ARHGEF38: variants seen among roughly 807,000 people sequenced by gnomAD.
ARHGEF38 encodes Rho guanine nucleotide exchange factor 38.
Under a neutral mutation model 79.9 loss-of-function variants are expected in ARHGEF38, and 79 were observed. The observed-to-expected ratio is 0.99, with a 90% CI of 0.82 to 1.19. ARHGEF38 has a LOEUF of 1.19. Among genes scored for constraint, ARHGEF38 ranks in the 50% most tolerant of loss-of-function variants. The pLI is 0.00. For missense variants in ARHGEF38, 962 were observed against 907.2 expected (o/e 1.06, Z -0.78); for synonymous variants, 366 against 328.3 (o/e 1.11, Z -1.24).
chr4:105,667,027 A>G (rs2110576936), intron 11 of ARHGEF38, 102 bp from the exon 12 acceptor site: 2 of 961,800 alleles, frequency 2.1e-6, no homozygotes, highest in Non-Finnish European at 1.5e-6. Flanking sequence ...AAAATATATG[A>G]CTCCTACGTT....
intron 1 of ARHGEF38, among the ~76,000 whole-genome samples, chr4:105,553,886 G>A (rs2866798): frequency 0.88 from 134,079 of 152,146 alleles, 59,442 homozygotes; most frequent in African/African-American, 0.92. Context: ...TTTAAAAACT[G>A]TGATGAGGTC....
chr4:105,646,852 T>A (rs187966814), intron 6 of ARHGEF38, among the ~76,000 whole-genome samples: 38 of 152,092 alleles, frequency 2.5e-4, no homozygotes, highest in Non-Finnish European at 3.1e-4. Flanking sequence ...TAAAGTAAAT[T>A]TGCAAGTGGT....
At chr4:105,637,200 C>G (rs1174056045) in intron 5 of ARHGEF38, among the ~76,000 whole-genome samples, 1 of 151,994 alleles carries the variant, frequency 6.6e-6, no homozygotes, top group South Asian at 2.1e-4. Flanking sequence ...AAAGAGCTTA[C>G]AAAATATAAA....
At chr4:105,624,642 C>T (rs1270219573) in intron 3 of ARHGEF38, among the ~76,000 whole-genome samples, 3 of 152,178 alleles carry the variant, frequency 2.0e-5, no homozygotes, top group African/African-American at 4.8e-5. Flanking sequence ...CTTCTCACTT[C>T]CTCTCCTTGT....
chr4:105,575,210 T>C (rs910848601), intron 1 of ARHGEF38, among the ~76,000 whole-genome samples: 28 of 152,306 alleles, frequency 1.8e-4, no homozygotes, highest in African/African-American at 6.0e-4. Context: ...ATGGTAGATC[T>C]AGTTCTTTAA....
chr4:105,583,268 T>C (rs190349876), intron 1 of ARHGEF38, among the ~76,000 whole-genome samples: 277 of 152,352 alleles, frequency 1.8e-3, no homozygotes, highest in Non-Finnish European at 2.2e-3. Context: ...CTAAAGTTCA[T>C]TAATGTCTTT....
chr4:105,618,882 C>T (rs1728623845), intron 3 of ARHGEF38, among the ~76,000 whole-genome samples: 1 of 152,158 alleles, frequency 6.6e-6, no homozygotes, highest in Non-Finnish European at 1.5e-5. Context: ...CCTTCTCTGA[C>T]AATCGTATTT....
At chr4:105,660,728 C>T (rs529929275) in intron 10 of ARHGEF38, among the ~76,000 whole-genome samples, 1 of 152,336 alleles carries the variant, frequency 6.6e-6, no homozygotes, top group Non-Finnish European at 1.5e-5. Flanking sequence ...GCATGAGCCA[C>T]TGCGCCCAGC....
At chr4:105,626,163 C>T (rs1728937222) in intron 3 of ARHGEF38, among the ~76,000 whole-genome samples, 1 of 152,152 alleles carries the variant, frequency 6.6e-6, no homozygotes, top group Admixed American at 6.6e-5. Context: ...CAATAAGCAA[C>T]TCAAACTCAA....
chr4:105,604,634 T>C (rs1002810156), intron 2 of ARHGEF38, among the ~76,000 whole-genome samples: 3 of 152,160 alleles, frequency 2.0e-5, no homozygotes, highest in Non-Finnish European at 4.4e-5. Flanking sequence ...CTGATATCAG[T>C]AATTTCTTTC....
intron 5 of ARHGEF38, 131 bp from the exon 6 acceptor site, chr4:105,645,057 T>G (rs1186649168): frequency 5.1e-6 from 4 of 788,106 alleles, no homozygotes; most frequent in Non-Finnish European, 7.2e-6. Flanking sequence ...CTTGCTTTTA[T>G]TTAGAAATTT....
intron 1 of ARHGEF38, among the ~76,000 whole-genome samples, chr4:105,564,989 T>C (rs776518036): frequency 1.3e-5 from 2 of 152,204 alleles, no homozygotes; most frequent in East Asian, 1.9e-4. Context: ...TTTTCTGAAG[T>C]ACCCATTTAT....
chr4:105,566,752 C>CTT (rs70938197), intron 1 of ARHGEF38, among the ~76,000 whole-genome samples: 4,880 of 140,812 alleles, frequency 0.035, 270 homozygotes, highest in African/African-American at 0.11. Flanking sequence ...TGGCAGCCAT[C>CTT]TTTTTTTTTT....
chr4:105,624,916 G>A (rs1225143600), intron 3 of ARHGEF38, among the ~76,000 whole-genome samples: 2 of 152,208 alleles, frequency 1.3e-5, no homozygotes, highest in Non-Finnish European at 1.5e-5. Flanking sequence ...TCAGAGGCCT[G>A]TATTGTTGCA....
intron 10 of ARHGEF38, among the ~76,000 whole-genome samples, chr4:105,664,254 A>G (rs1378255413): frequency 6.6e-6 from 1 of 152,240 alleles, no homozygotes; most frequent in Non-Finnish European, 1.5e-5. Context: ...ATACATACAC[A>G]TAAAGATTCA....
chr4:105,636,463 C>T (rs767224160), intron 5 of ARHGEF38, 43 bp downstream of exon 5: 18 of 355,836 alleles, frequency 5.1e-5, no homozygotes, highest in African/African-American at 6.4e-5. Context: ...ATAAAAATCA[C>T]GAGAAAATGC....
At chr4:105,627,371 A>T (rs535808108) in intron 3 of ARHGEF38, among the ~76,000 whole-genome samples, 68 of 152,324 alleles carry the variant, frequency 4.5e-4, no homozygotes, top group Middle Eastern at 3.4e-3. Context: ...TTGGTGTGGC[A>T]CATGTTGGGG....
rs745628294 is a variant in ARHGEF38 at position 105,677,923 on chromosome 4, A to T, written c.2320A>T (p.Met774Leu). 6.6e-7 allele frequency: 1 copy of T among 1,521,480 alleles called. No individual in the cohort carries two copies. The highest frequency in any genetic ancestry group is 1.2e-5 in the South Asian group (1 of 82,162). The allele number at this position is 1,521,480 out of a possible 1,614,324, so 94.2% of individuals were successfully genotyped here. A position where few individuals can be genotyped will look rare whatever the true frequency, so the allele number is the denominator to read the frequency against. ...GYVPANYLGK[M>L]TYA ...CGTGCCAGCTAACTACCTTGGAAAG[A>T]TGACTTATGCTTAAGAAAATAAGCC... Residue 774 changes from methionine (M) to leucine (L), a missense_variant, in exon 14 of 14, where the codon ATG becomes TTG. Physicochemically the swap from Met to Leu is conservative, Grantham distance 15 (BLOSUM62 2). Coordinates refer to ENST00000420470, the MANE Select transcript of ARHGEF38 (RefSeq NM_001242729.2).
At chr4:105,666,349 T>C in intron 11 of ARHGEF38, 29 bp downstream of exon 11, 2 of 1,500,296 alleles carry the variant, frequency 1.3e-6, no homozygotes, top group African/African-American at 1.4e-5. Flanking sequence ...ATGACAATGA[T>C]AACTTTCACC....
Sources: gnomAD v4.1 joint callset for allele counts (sites outside exome capture counted in the v4.1 genomes callset) on GRCh38, gnomAD v4.1.1 for gene constraint, MANE v1.5 for transcripts, NCBI Gene and HGNC (gene_info 2026-07-23, HGNC 2026-07-21) for gene names.